The following MORN1 variants were observed in gnomAD, a reference collection of about 807,000 sequenced individuals.
MORN1 encodes MORN repeat containing 1.
In MORN1, 67 loss-of-function variants were observed where a neutral mutation model predicts 61.9. That is an observed-to-expected ratio of 1.08 (90% confidence interval 0.89 to 1.33). The LOEUF (loss-of-function observed/expected upper bound fraction) is 1.33, where lower values mean the gene tolerates loss of function less well. Ranked by LOEUF, MORN1 falls within the 40% of genes most tolerant of loss-of-function variation. The pLI, the probability that MORN1 is intolerant of heterozygous loss-of-function variation, is 0.00. For synonymous variants in MORN1, 301 were observed against 292.0 expected (o/e 1.03, Z -0.31); for missense variants, 752 against 691.2 (o/e 1.09, Z -0.99).
Position 2,324,423 on chromosome 1 carries a change from C to A in MORN1, c.1251-280G>T, listed in dbSNP as rs555882839. 8.5e-5 allele frequency among the ~76,000 whole-genome samples: 13 copies of A among 152,308 alleles called. No homozygotes were observed. In the East Asian group the frequency reaches 2.5e-3, roughly 29 times the overall value. ...GGCCTTGGAGCAGGAGTGGGACCGA[C>A]CACCCCATTTCCACAGTCTTCTGAC... On this transcript the variant is annotated intron_variant, in intron 12 of 13. Coordinates refer to ENST00000378531, the MANE Select transcript of MORN1 (RefSeq NM_024848.3).
chr1:2,325,685 A>C, intron 12 of MORN1, among the ~76,000 whole-genome samples: 2 of 136,644 alleles, frequency 1.5e-5, no homozygotes, highest in African/African-American at 5.6e-5. Context: ...ACAGGGTCTC[A>C]CTCTGTTGCC....
At chr1:2,340,644 G>C (rs1382571017) in intron 10 of MORN1, among the ~76,000 whole-genome samples, 1 of 152,228 alleles carries the variant, frequency 6.6e-6, no homozygotes, top group Non-Finnish European at 1.5e-5. Flanking sequence ...GCAGCAGGTG[G>C]ACCTTGTCAC....
chr1:2,324,628 C>T (rs771729995), intron 12 of MORN1, among the ~76,000 whole-genome samples: 1 of 152,154 alleles, frequency 6.6e-6, no homozygotes, highest in Non-Finnish European at 1.5e-5. Flanking sequence ...AACAGAGGCC[C>T]AGTGTCACCT....
In MORN1 at chr1:2,334,371, C is replaced by T. The variant is rs533076306; in HGVS notation, c.1250+2098G>A. 1.1e-4 allele frequency among the ~76,000 whole-genome samples: 17 copies of T among 152,286 alleles called. No homozygotes were observed. The highest frequency in any genetic ancestry group is 3.8e-4 in the African/African-American group (16 of 41,564). ...GTCGCTGCCGCCCCATGATCCATGG[C>T]GGAGAGGCCTGCAAGTGTGCAGCCC... On this transcript the variant is annotated intron_variant, in intron 12 of 13. Transcript: ENST00000378531. The surrounding 1 kb of genome is among the most constrained non-coding windows in gnomAD (Gnocchi z 5.4).
chr1:2,375,724 G>T (rs1337656947), intron 6 of MORN1: 1 of 152,278 alleles, frequency 6.6e-6, no homozygotes, highest in East Asian at 1.9e-4. Context: ...AGGCTGGGCA[G>T]CCAGCTCGGG....
chr1:2,355,728 C>T (rs1486381936), intron 10 of MORN1, among the ~76,000 whole-genome samples: 1 of 152,222 alleles, frequency 6.6e-6, no homozygotes, highest in Non-Finnish European at 1.5e-5. Context: ...AGGAGGGTCA[C>T]AGGCCACACA....
intron 10 of MORN1, among the ~76,000 whole-genome samples, chr1:2,340,622 G>A (rs1268364320): frequency 6.6e-6 from 1 of 152,214 alleles, no homozygotes; most frequent in African/African-American, 2.4e-5. Flanking sequence ...TCCAGCACAT[G>A]GAGGACTCAA....
intron 12 of MORN1, among the ~76,000 whole-genome samples, chr1:2,327,183 GAC>G (rs1641047673): frequency 8.4e-6 from 1 of 119,412 alleles, no homozygotes; most frequent in Admixed American, 7.9e-5. Context: ...CAAACACAGA[GAC>G]ACAGAGACAC....
At chr1:2,355,051 G>T (rs1196639361) in intron 10 of MORN1, 4 of 580,110 alleles carry the variant, frequency 6.9e-6, no homozygotes, top group African/African-American at 2.0e-5. Context: ...GGTAGGATCC[G>T]CCCCAGACTC....
Position 2,337,964 on chromosome 1 carries a change from A to C in MORN1, c.1037-1114T>G, listed in dbSNP as rs2100258702. ...AGACAGTGCCCAGGAGGGAAGGAGG[A>C]GTCAGGGGCTGCTGAGGGGTGCACA... is the stretch of plus-strand genomic sequence containing the variant. On this transcript the variant is annotated intron_variant, in intron 10 of 13. Coordinates refer to ENST00000378531, the MANE Select transcript of MORN1 (RefSeq NM_024848.3). The surrounding 1 kb of genome is among the most constrained non-coding windows in gnomAD (Gnocchi z 5.7). Among the ~76,000 whole-genome samples the C allele has an allele frequency of 6.6e-6, 1 of 152,246 alleles. No homozygotes were observed. Among genetic ancestry groups the C allele is most frequent in the Admixed American group, 6.5e-5 (1 of 15,294 alleles).
At chr1:2,342,868 T>TTTTA (rs1641429072) in intron 10 of MORN1, among the ~76,000 whole-genome samples, 2 of 37,268 alleles carry the variant, frequency 5.4e-5, no homozygotes, top group African/African-American at 1.5e-4. Flanking sequence ...TTTTATTTTA[T>TTTTA]TTATTTTATT....
chr1:2,360,198 A>T (rs931294118), intron 8 of MORN1, among the ~76,000 whole-genome samples: 2 of 152,174 alleles, frequency 1.3e-5, no homozygotes, highest in African/African-American at 4.8e-5. Context: ...GTTAACAGGA[A>T]CCCAGCCTCT....
chr1:2,339,522 A>G (rs898420983), intron 10 of MORN1, among the ~76,000 whole-genome samples: 1 of 152,120 alleles, frequency 6.6e-6, no homozygotes, highest in Non-Finnish European at 1.5e-5. Flanking sequence ...CCCCTGCACC[A>G]TATCCTGTGC....
chr1:2,330,196 G>A (rs577817122), intron 12 of MORN1, among the ~76,000 whole-genome samples: 20 of 152,322 alleles, frequency 1.3e-4, no homozygotes, highest in African/African-American at 2.2e-4. Context: ...TGGCCACAGC[G>A]TGCTGGCCAG....
At position 2,337,666 on chromosome 1, in the gene MORN1, C is replaced by A. The variant is rs990471156; in HGVS notation, c.1037-816G>T. 6.6e-6 allele frequency among the ~76,000 whole-genome samples: 1 copy of A among 152,188 alleles called. No individual in the cohort carries two copies. The highest frequency in any genetic ancestry group is 1.9e-4 in the East Asian group (1 of 5,192). On this transcript the variant is annotated intron_variant, in intron 10 of 13. Transcript: ENST00000378531. The surrounding 1 kb of genome is among the most constrained non-coding windows in gnomAD (Gnocchi z 5.7). ...CTCCACACACACACATCAGAGCCCA[C>A]GTTCCTACGAGCAGCTCGGAGCTGT...
At chr1:2,364,441 T>C (rs1010825562) in intron 8 of MORN1, among the ~76,000 whole-genome samples, 3 of 141,044 alleles carry the variant, frequency 2.1e-5, no homozygotes, top group African/African-American at 5.2e-5. Context: ...TTTGAGTTCA[T>C]TGTAGATTCT....
At chr1:2,349,811 C>T (rs763135314) in intron 10 of MORN1, among the ~76,000 whole-genome samples, 1 of 152,158 alleles carries the variant, frequency 6.6e-6, no homozygotes, top group Non-Finnish European at 1.5e-5. Context: ...CTGATGAATA[C>T]TCAAAACCAT....
intron 4 of MORN1, 171 bp downstream of exon 4, chr1:2,387,248 C>G: frequency 1.6e-6 from 1 of 634,700 alleles, no homozygotes. Flanking sequence ...GTATGCCGGG[C>G]ATAGGACATG....
In MORN1 at chr1:2,334,299, T is replaced by C. The variant is rs1569929071; in HGVS notation, c.1250+2170A>G. On this transcript the variant is annotated intron_variant, in intron 12 of 13. Transcript: ENST00000378531. This position sits in a 1 kb window ranked among gnomAD's most constrained non-coding sequence, Gnocchi z 5.4. ...GGCTACAAGGAACTGGTGGTGGGGG[T>C]CAGGCTCCATGGAGGACGAGAGGCA... is the stretch of plus-strand genomic sequence containing the variant. Among the ~76,000 whole-genome samples the C allele has an allele frequency of 6.6e-6, 1 of 151,528 alleles. No individual in the cohort carries two copies. Among genetic ancestry groups the C allele is most frequent in the Admixed American group, 6.6e-5 (1 of 15,228 alleles).
Sources: allele counts gnomAD v4.1 joint callset (sites outside exome capture counted in the v4.1 genomes callset), GRCh38; gene constraint gnomAD v4.1.1; non-coding constraint Gnocchi (gnomAD v3.1); transcripts MANE v1.5; gene names NCBI Gene and HGNC (gene_info 2026-07-23, HGNC 2026-07-21).